PCDHGA2: variants seen among roughly 807,000 people sequenced by gnomAD.
PCDHGA2 encodes the protein protocadherin gamma-A2.
A neutral mutation model predicts 59.2 loss-of-function variants in PCDHGA2; 40 were observed. That is an observed-to-expected ratio of 0.68 (90% CI 0.52 to 0.88). The LOEUF (loss-of-function observed/expected upper bound fraction) is 0.88, where lower values mean the gene tolerates loss of function less well. Ranked by LOEUF, PCDHGA2 falls within the 40% of genes least tolerant of loss-of-function variation. The pLI, the probability that PCDHGA2 is intolerant of heterozygous loss-of-function variation, is 0.00. For missense variants in PCDHGA2, 1,226 were observed against 1,204.0 expected (o/e 1.02, Z -0.27); for synonymous variants, 560 against 526.0 (o/e 1.06, Z -0.89).
chr5:141,445,303 G>A (rs145466142), intron 1 of PCDHGA2, among the ~76,000 whole-genome samples: 327 of 152,332 alleles, frequency 2.1e-3, no homozygotes, highest in African/African-American at 7.6e-3. Context: ...ATTCTCTTCA[G>A]TTTGTAGGTT....
Position 141,512,574 on chromosome 5 carries a change from C to G in PCDHGA2, c.*1401C>G, listed in dbSNP as rs1429371202. 2 of 152,884 alleles carry G rather than the reference C, an allele frequency of 1.3e-5. No homozygotes were observed. Among genetic ancestry groups the G allele is most frequent in the South Asian group, 2.1e-4 (1 of 4,836 alleles). 9.5% of individuals were successfully genotyped at this position (152,884 alleles called of 1,614,324 possible). On this transcript the variant is annotated 3_prime_UTR_variant, in exon 4 of 4. Transcript: ENST00000394576. ...GTGCATAGACCTTCTTCTCCCACCC[C>G]CTTCTGCCCCTGGGTCCCCGGCCAT...
At chr5:141,390,339 C>A in intron 1 of PCDHGA2, 2 of 1,591,234 alleles carry the variant, frequency 1.3e-6, no homozygotes, top group Non-Finnish European at 1.7e-6. Flanking sequence ...TCCATATTCA[C>A]AAGAAAATAT....
intron 1 of PCDHGA2, chr5:141,384,570 C>T (rs1344812982): frequency 6.2e-7 from 1 of 1,614,240 alleles, no homozygotes; most frequent in South Asian, 1.1e-5. Context: ...ACCAGAATGA[C>T]AACCCGCCCG....
intron 1 of PCDHGA2, chr5:141,375,029 G>T (rs1265395615): frequency 6.2e-7 from 1 of 1,614,032 alleles, no homozygotes; most frequent in Admixed American, 1.7e-5. Context: ...GAGTTTTTAT[G>T]AGCTGGGTGT....
At chr5:141,475,145 C>T (rs1214674720) in intron 1 of PCDHGA2, among the ~76,000 whole-genome samples, 2 of 151,980 alleles carry the variant, frequency 1.3e-5, no homozygotes, top group Non-Finnish European at 1.5e-5. Flanking sequence ...AAATCTTCTC[C>T]GTCTTCTTCT....
chr5:141,393,844 G>A (rs1158027980), intron 1 of PCDHGA2: 1 of 1,613,966 alleles, frequency 6.2e-7, no homozygotes, highest in Admixed American at 1.7e-5. Flanking sequence ...AATGACAATA[G>A]ACCAGAAGTG....
chr5:141,422,874 G>C (rs763219526), intron 1 of PCDHGA2: 56 of 1,614,134 alleles, frequency 3.5e-5, no homozygotes, highest in Non-Finnish European at 1.0e-5. Flanking sequence ...ACGTGTCGCT[G>C]AGCCTGTTCG....
chr5:141,362,171 G>T (rs62378417), intron 1 of PCDHGA2: 1 of 1,613,836 alleles, frequency 6.2e-7, no homozygotes, highest in African/African-American at 1.3e-5. Context: ...AGCGACCGCC[G>T]GGAGCCCTCT....
intron 1 of PCDHGA2, among the ~76,000 whole-genome samples, chr5:141,405,943 CATA>C (rs1017424287): frequency 6.6e-6 from 1 of 152,106 alleles, no homozygotes; most frequent in Non-Finnish European, 1.5e-5. Flanking sequence ...TTCATGTTCT[CATA>C]ATAATTAACC....
At chr5:141,343,833 T>C (rs943041178) in intron 1 of PCDHGA2, 22 of 500,670 alleles carry the variant, frequency 4.4e-5, no homozygotes, top group African/African-American at 3.8e-4. Context: ...TAGTCCACCA[T>C]TTCCTTGCTC....
Position 141,489,068 on chromosome 5 carries a change from G to GGCC in PCDHGA2, c.2425-5739_2425-5738insGCC. The GGCC allele has an allele frequency of 3.4e-6, 1 of 291,556 alleles. No individual in the cohort carries two copies. The allele number at this position is 291,556 out of a possible 1,614,324, so 18.1% of individuals were successfully genotyped here. A position where few individuals can be genotyped will look rare whatever the true frequency, so the allele number is the denominator to read the frequency against. ...CTCAAATTCAGCTCCCCTCCCCCCT[G>GGCC]CCCACCCCCGCCACTCGGTGACTAA... On this transcript the variant is annotated intron_variant, in intron 1 of 3. Coordinates refer to ENST00000394576, the MANE Select transcript of PCDHGA2 (RefSeq NM_018915.4). The surrounding 1 kb of genome is among the most constrained non-coding windows in gnomAD (Gnocchi z 4.5).
chr5:141,375,944 C>G (rs1365248346), intron 1 of PCDHGA2: 6 of 1,613,500 alleles, frequency 3.7e-6, no homozygotes, highest in Non-Finnish European at 5.1e-6. Flanking sequence ...CTCAGTGGGC[C>G]TGCACACGGG....
At chr5:141,355,206 G>A in intron 1 of PCDHGA2, 1 of 1,598,470 alleles carries the variant, frequency 6.3e-7, no homozygotes, top group Non-Finnish European at 8.5e-7. Context: ...TTGTAATGGC[G>A]GCGCCTCCTG....
chr5:141,423,119 G>A (rs769320490), intron 1 of PCDHGA2: 1 of 1,613,774 alleles, frequency 6.2e-7, no homozygotes, highest in South Asian at 1.1e-5. Context: ...CGTACAGCGC[G>A]GGCACTGCTG....
rs1298454674 is a variant in PCDHGA2, at chr5:141,438,625, TATATATATATAC to T, written c.2425-56180_2425-56169del. 7.7e-3 allele frequency among the ~76,000 whole-genome samples: 357 copies of T among 46,390 alleles called. 5 individuals are homozygous for T. The East Asian group carries it at 0.082, about 11-fold the overall frequency. 30.4% of individuals were successfully genotyped at this position (46,390 alleles called of 152,430 possible). A position where few individuals can be genotyped will look rare whatever the true frequency, so the allele number is the denominator to read the frequency against. On this transcript the variant is annotated intron_variant, in intron 1 of 3. Transcript: ENST00000394576. ...ATATATATATATATATATATATATATATATATATATACACACACACACACACATATATGTATA... is the reference window on the plus strand; with the variant it reads ...ATATATATATATATATATATATATATACACACACACACACATATATGTATA...
At chr5:141,421,965 C>A in intron 1 of PCDHGA2, 1 of 1,610,360 alleles carries the variant, frequency 6.2e-7, no homozygotes, top group Non-Finnish European at 8.5e-7. Context: ...TTACACAGTC[C>A]GTATATCGCG....
rs770638374 is a variant in PCDHGA2 at position 141,409,524 on chromosome 5, A to G, written c.2424+68129A>G. On this transcript the variant is annotated intron_variant, in intron 1 of 3. Coordinates refer to ENST00000394576, the MANE Select transcript of PCDHGA2 (RefSeq NM_018915.4). ...TCTTCCAGTAGAAGCATCACCTTGTATGTCGCTGACATCAACGACAACGCC... is the reference window on the plus strand; with the variant it reads ...TCTTCCAGTAGAAGCATCACCTTGTGTGTCGCTGACATCAACGACAACGCC... 11 of 1,613,972 alleles carry G rather than the reference A, an allele frequency of 6.8e-6. No homozygotes were observed. In the South Asian group the frequency reaches 1.1e-4, roughly 16 times the overall value.
chr5:141,393,881 G>A (rs1003319572), intron 1 of PCDHGA2: 33 of 1,613,978 alleles, frequency 2.0e-5, no homozygotes, highest in Non-Finnish European at 2.8e-5. Context: ...TTAGCCCAGT[G>A]TTAGAAAATT....
Position 141,372,039 on chromosome 5 carries a change from C to A in PCDHGA2, c.2424+30644C>A, listed in dbSNP as rs757866605. 4.3e-6 allele frequency: 7 copies of A among 1,613,350 alleles called. No homozygotes were observed. Among genetic ancestry groups the A allele is most frequent in the Admixed American group, 1.7e-5 (1 of 59,996 alleles). ...TACGCTCAGCGCCAACGTGAGCCTG[C>A]GCGTGTTGGTGGACGACCGCAACGA... On this transcript the variant is annotated intron_variant, in intron 1 of 3. Coordinates refer to ENST00000394576, the MANE Select transcript of PCDHGA2 (RefSeq NM_018915.4).
Sources: gnomAD v4.1 joint callset for allele counts (sites outside exome capture counted in the v4.1 genomes callset) on GRCh38, gnomAD v4.1.1 for gene constraint, Gnocchi (gnomAD v3.1) non-coding constraint, MANE v1.5 for transcripts, NCBI Gene and HGNC (gene_info 2026-07-23, HGNC 2026-07-21) for gene names.